DGKI: variants seen among roughly 807,000 people sequenced by gnomAD.
The protein encoded by DGKI is DAG kinase iota.
DGKI carries 55 observed loss-of-function variants against 147.5 expected under a neutral mutation model. That is an observed-to-expected ratio of 0.37 (90% CI 0.30 to 0.47). The LOEUF is 0.47. Among genes scored for constraint, DGKI ranks in the 20% least tolerant of loss-of-function variants. The pLI is 1.00. For missense variants in DGKI, 1,007 were observed against 1,323.8 expected (o/e 0.76, Z 3.71); for synonymous variants, 469 against 477.1 (o/e 0.98, Z 0.22).
At chr7:137,727,053 G>GAA (rs368967257) in intron 1 of DGKI, among the ~76,000 whole-genome samples, 1 of 150,038 alleles carries the variant, frequency 6.7e-6, no homozygotes, top group African/African-American at 2.4e-5. Flanking sequence ...ATCTGCAAAA[G>GAA]AAAAAAAAAT....
At chr7:137,505,259 C>T (rs1816326901) in intron 21 of DGKI, among the ~76,000 whole-genome samples, 1 of 152,170 alleles carries the variant, frequency 6.6e-6, no homozygotes, top group African/African-American at 2.4e-5. Context: ...GGTTGTCCCA[C>T]ATGGACATAA....
intron 21 of DGKI, among the ~76,000 whole-genome samples, chr7:137,488,534 C>T (rs1302573176): frequency 6.6e-6 from 1 of 151,970 alleles, no homozygotes; most frequent in Non-Finnish European, 1.5e-5. Flanking sequence ...AAAAAATCTA[C>T]AAATTTCTCA....
chr7:137,407,823 C>T, intron 30 of DGKI, 52 bp downstream of exon 30: 1 of 1,597,568 alleles, frequency 6.3e-7, no homozygotes, highest in Non-Finnish European at 8.5e-7. Flanking sequence ...ATGCAAAATG[C>T]AATGGATTTC....
chr7:137,626,769 T>A (rs1377501108), intron 6 of DGKI, among the ~76,000 whole-genome samples: 1 of 152,238 alleles, frequency 6.6e-6, no homozygotes, highest in Non-Finnish European at 1.5e-5. Context: ...TCACCTCCCA[T>A]CCGGATTTTT....
At chr7:137,551,419 C>T (rs1401196284) in intron 20 of DGKI, among the ~76,000 whole-genome samples, 2 of 152,104 alleles carry the variant, frequency 1.3e-5, no homozygotes, top group Non-Finnish European at 2.9e-5. Context: ...TTTACAGGCA[C>T]CACAAGGAAG....
rs1331509836 is a variant in DGKI, at chr7:137,450,713, A to C, written c.2736-6611T>G. Among the ~76,000 whole-genome samples, 90 of 151,942 alleles carry C rather than the reference A, an allele frequency of 5.9e-4. 1 individual carries two copies. The highest frequency in any genetic ancestry group is 2.9e-5 in the Non-Finnish European group (2 of 67,992). ...CTCCTGCCTGGACAACAAGAGCGAAACTCTGTCTCGAAAAAATAAAAAATT... is the reference window on the plus strand; with the variant it reads ...CTCCTGCCTGGACAACAAGAGCGAACCTCTGTCTCGAAAAAATAAAAAATT... On this transcript the variant is annotated intron_variant, in intron 27 of 32. Transcript: ENST00000614521.
At chr7:137,843,579 TAAAA>T in intron 1 of DGKI, 1 of 236,574 alleles carries the variant, frequency 4.2e-6, no homozygotes, top group African/African-American at 2.3e-5. Context: ...CTTAACAAAG[TAAAA>T]GTCAAGCAAA....
intron 21 of DGKI, among the ~76,000 whole-genome samples, chr7:137,495,258 T>C (rs1231571173): frequency 6.6e-6 from 1 of 151,868 alleles, no homozygotes; most frequent in African/African-American, 2.4e-5. Flanking sequence ...AATTAAGTCC[T>C]TGAATAGTCC....
intron 27 of DGKI, among the ~76,000 whole-genome samples, chr7:137,446,045 G>GAA (rs1813701523): frequency 6.6e-6 from 1 of 152,188 alleles, no homozygotes; most frequent in African/African-American, 2.4e-5. Flanking sequence ...TTGCTGATGA[G>GAA]AAGTAAGTGA....
At chr7:137,609,221 G>A (rs911124507) in intron 9 of DGKI, among the ~76,000 whole-genome samples, 157 bp from the exon 10 acceptor site, 6 of 150,998 alleles carry the variant, frequency 4.0e-5, no homozygotes, top group African/African-American at 1.5e-4. Flanking sequence ...AGTATCTCAA[G>A]TTATCATTTG....
At chr7:137,506,356 G>T (rs987876418) in intron 21 of DGKI, among the ~76,000 whole-genome samples, 1 of 152,192 alleles carries the variant, frequency 6.6e-6, no homozygotes, top group African/African-American at 2.4e-5. Flanking sequence ...AATTTGAAAG[G>T]CTACATGATG....
intron 1 of DGKI, among the ~76,000 whole-genome samples, chr7:137,806,070 A>G (rs1193183189): frequency 6.6e-6 from 1 of 152,132 alleles, no homozygotes; most frequent in Non-Finnish European, 1.5e-5. Context: ...AGCAAAAACA[A>G]CTCTTCAACC....
intron 27 of DGKI, among the ~76,000 whole-genome samples, chr7:137,451,590 A>C (rs1813958646): frequency 6.6e-6 from 1 of 152,246 alleles, no homozygotes; most frequent in South Asian, 2.1e-4. Flanking sequence ...TTGGGAAGGC[A>C]AAGGACTTTA....
intron 28 of DGKI, among the ~76,000 whole-genome samples, chr7:137,418,425 C>T (rs1812439549): frequency 6.6e-6 from 1 of 152,144 alleles, no homozygotes; most frequent in East Asian, 1.9e-4. Context: ...TAGAAGTTGG[C>T]ATATGACTAC....
chr7:137,427,381 T>G (rs981133622), intron 28 of DGKI, among the ~76,000 whole-genome samples: 10 of 152,202 alleles, frequency 6.6e-5, no homozygotes, highest in Admixed American at 1.3e-4. Flanking sequence ...TACCAGAATC[T>G]CTGGGACACA....
Position 137,635,524 on chromosome 7 carries a change from T to C in DGKI, c.804+9948A>G, listed in dbSNP as rs185340424. Among the ~76,000 whole-genome samples, 4 of 152,150 alleles carry C rather than the reference T, an allele frequency of 2.6e-5. No homozygotes were observed. The East Asian group carries it at 5.8e-4, about 22-fold the overall frequency. ...TTACGAAATGTGTGACCCACGAACA[T>C]AGGATCCTGCACAACATTGTGTCAG... On this transcript the variant is annotated intron_variant, in intron 6 of 32. Transcript: ENST00000614521.
intron 5 of DGKI, among the ~76,000 whole-genome samples, chr7:137,653,051 C>T (rs1205897537): frequency 6.6e-6 from 1 of 152,186 alleles, no homozygotes; most frequent in Admixed American, 6.5e-5. Context: ...CTCATTACCT[C>T]CCCAGCCCAT....
intron 19 of DGKI, among the ~76,000 whole-genome samples, 158 bp from the exon 20 acceptor site, chr7:137,552,726 T>C (rs1309939254): frequency 2.8e-5 from 4 of 142,354 alleles, no homozygotes; most frequent in South Asian, 2.2e-4. Context: ...CTGGCCAACA[T>C]GGCGAGACCC....
At chr7:137,575,097 T>C (rs1030470863) in intron 17 of DGKI, among the ~76,000 whole-genome samples, 1 of 152,216 alleles carries the variant, frequency 6.6e-6, no homozygotes, top group African/African-American at 2.4e-5. Flanking sequence ...AGACATGTCT[T>C]GTTACACCTA....
Sources: gnomAD v4.1 joint callset for allele counts (sites outside exome capture counted in the v4.1 genomes callset) on GRCh38, gnomAD v4.1.1 for gene constraint, MANE v1.5 for transcripts, NCBI Gene and HGNC (gene_info 2026-07-23, HGNC 2026-07-21) for gene names.